FOCAD: variants seen among roughly 807,000 people sequenced by gnomAD.
FOCAD encodes the protein KIAA1797.
Under a neutral mutation model 225.6 loss-of-function variants are expected in FOCAD, and 198 were observed. The ratio of observed to expected loss-of-function variants is 0.88; its 90% confidence interval spans 0.78 to 0.99. The LOEUF is 0.99. Ranked by LOEUF, FOCAD falls within the 50% of genes least tolerant of loss-of-function variation. The probability of loss-of-function intolerance (pLI) is 0.00; values close to 1 mark genes in which losing one functional copy is unlikely to be tolerated. For synonymous variants in FOCAD, 897 were observed against 755.0 expected, an observed-to-expected ratio of 1.19 and a Z score of -3.08; for missense variants, 2,713 against 2,123.6, an observed-to-expected ratio of 1.28 and a Z score of -5.46.
intron 4 of FOCAD, among the ~76,000 whole-genome samples, chr9:20,736,695 T>C (rs1389083980): frequency 6.6e-6 from 1 of 152,138 alleles, no homozygotes; most frequent in African/African-American, 2.4e-5. Flanking sequence ...TTATCCCAGC[T>C]TTTTGAAAAA....
rs574627499 is a variant in FOCAD, at chr9:20,757,109, A to G, written c.393-981A>G. Among the ~76,000 whole-genome samples the G allele has an allele frequency of 1.2e-4, 18 of 152,106 alleles. 1 individual carries two copies. Among genetic ancestry groups the G allele is most frequent in the Non-Finnish European group, 2.4e-4 (16 of 67,998 alleles). On this transcript the variant is annotated intron_variant, in intron 5 of 43. Transcript: ENST00000338382. ...CATTCCCGGCTAATTTTGTATTTTT[A>G]GTAGAGACAGGGTTTCTCCATGTTG...
At chr9:20,667,456 TAAAAGA>T (rs1821928829) in intron 2 of FOCAD, among the ~76,000 whole-genome samples, 1 of 152,242 alleles carries the variant, frequency 6.6e-6, no homozygotes, top group African/African-American at 2.4e-5. Context: ...ATTTAAATTG[TAAAAGA>T]AAAAGTACCC....
At chr9:20,874,888 A>C in intron 19 of FOCAD, 81 bp downstream of exon 19, 2 of 1,540,578 alleles carry the variant, frequency 1.3e-6, no homozygotes, top group Non-Finnish European at 1.8e-6. Flanking sequence ...TGATAGGTAC[A>C]TAGTATAGTT....
At chr9:20,931,919 A>G (rs78569941) in intron 27 of FOCAD, among the ~76,000 whole-genome samples, 6,531 of 118,856 alleles carry the variant, frequency 0.055, 330 homozygotes, top group African/African-American at 0.15. Flanking sequence ...AAAAAAAAAA[A>G]GGGGGGGAGA....
chr9:20,657,146 C>A (rs556407986), upstream of FOCAD, among the ~76,000 whole-genome samples: 2 of 152,046 alleles, frequency 1.3e-5, no homozygotes, highest in African/African-American at 2.4e-5. Flanking sequence ...CCGAGAGATC[C>A]GCTGTTAGTC....
At chr9:20,804,673 A>T (rs1822218622) in intron 11 of FOCAD, among the ~76,000 whole-genome samples, 1 of 152,144 alleles carries the variant, frequency 6.6e-6, no homozygotes, top group African/African-American at 2.4e-5. Context: ...AAATCGCCTG[A>T]TTGAGAGGTC....
intron 15 of FOCAD, among the ~76,000 whole-genome samples, chr9:20,861,503 A>C (rs1042019738): frequency 6.6e-6 from 1 of 152,204 alleles, no homozygotes. Flanking sequence ...AGCATTTATT[A>C]TTCTACTGTT....
chr9:20,968,012 A>G (rs1183130890), intron 35 of FOCAD, among the ~76,000 whole-genome samples: 1 of 152,010 alleles, frequency 6.6e-6, no homozygotes, highest in East Asian at 1.9e-4. Flanking sequence ...CTATTTTTTG[A>G]AAGAAATTGA....
chr9:20,813,401 TA>T (rs976623831), intron 11 of FOCAD, among the ~76,000 whole-genome samples: 18 of 152,232 alleles, frequency 1.2e-4, no homozygotes, highest in Non-Finnish European at 1.8e-4. Context: ...TAGAGTAGAT[TA>T]AAAAAAATTT....
intron 23 of FOCAD, among the ~76,000 whole-genome samples, chr9:20,915,886 G>A (rs562246686): frequency 2.4e-4 from 36 of 152,220 alleles, no homozygotes; most frequent in African/African-American, 8.7e-4. Context: ...ATTCCACACT[G>A]ACCAATGAAA....
intron 22 of FOCAD, among the ~76,000 whole-genome samples, chr9:20,912,223 G>A (rs993415899): frequency 6.6e-6 from 1 of 152,094 alleles, no homozygotes; most frequent in African/African-American, 2.4e-5. Flanking sequence ...GGAGTAGAGG[G>A]GGAAGCATCT....
chr9:20,966,426 T>C (rs1377241324), intron 35 of FOCAD, among the ~76,000 whole-genome samples: 1 of 152,106 alleles, frequency 6.6e-6, no homozygotes, highest in Non-Finnish European at 1.5e-5. Flanking sequence ...TTCTGGAAAA[T>C]AGACCCTTAT....
chr9:20,664,513 A>G (rs1286114430), intron 2 of FOCAD, among the ~76,000 whole-genome samples: 1 of 152,054 alleles, frequency 6.6e-6, no homozygotes, highest in East Asian at 1.9e-4. Context: ...TAAGTTTATA[A>G]TATATTCAAG....
At chr9:20,912,369 C>T (rs1163856636) in intron 22 of FOCAD, among the ~76,000 whole-genome samples, 1 of 151,950 alleles carries the variant, frequency 6.6e-6, no homozygotes. Flanking sequence ...TTTATAAGTT[C>T]ACTCAAGAAA....
chr9:20,673,517 C>A (rs939445359), intron 2 of FOCAD, among the ~76,000 whole-genome samples: 2 of 152,156 alleles, frequency 1.3e-5, no homozygotes, highest in Non-Finnish European at 2.9e-5. Flanking sequence ...TATTGAGCAT[C>A]TTTTCATTTA....
chr9:20,819,958 A>G, intron 12 of FOCAD, 58 bp downstream of exon 12: 2 of 1,056,762 alleles, frequency 1.9e-6, no homozygotes, highest in Non-Finnish European at 2.8e-6. Flanking sequence ...AATACTTTGA[A>G]TTCTTTTTGG....
At chr9:20,885,086 A>C (rs764551157) in intron 20 of FOCAD, 23 bp from the exon 21 acceptor site, 2 of 1,293,136 alleles carry the variant, frequency 1.5e-6, no homozygotes, top group Non-Finnish European at 2.0e-6. Context: ...AATAAAATAA[A>C]GTCTATATAA....
At chr9:20,984,600 A>G (rs1012166748) in intron 39 of FOCAD, among the ~76,000 whole-genome samples, 3 of 152,236 alleles carry the variant, frequency 2.0e-5, no homozygotes, top group African/African-American at 7.2e-5. Flanking sequence ...TGTCTGGCTT[A>G]ATAGAAGACA....
chr9:20,758,415 G>T (rs896020714), intron 6 of FOCAD, among the ~76,000 whole-genome samples: 1 of 151,812 alleles, frequency 6.6e-6, no homozygotes, highest in Non-Finnish European at 1.5e-5. Context: ...TGCACAATGT[G>T]CAGGTAGGTT....
Sources: allele counts gnomAD v4.1 joint callset (sites outside exome capture counted in the v4.1 genomes callset), GRCh38; gene constraint gnomAD v4.1.1; transcripts MANE v1.5; gene names NCBI Gene and HGNC (gene_info 2026-07-23, HGNC 2026-07-21).